The following LRP1B variants were observed in gnomAD, a reference collection of about 807,000 sequenced individuals.
The protein encoded by LRP1B is low-density lipoprotein receptor-related protein 1B.
Under a neutral mutation model 556.6 loss-of-function variants are expected in LRP1B, and 217 were observed. That is an observed-to-expected ratio of 0.39 (90% CI 0.35 to 0.44). The LOEUF is 0.44. LRP1B is among the 20% of genes least tolerant of loss of function. The pLI is 1.00. For synonymous variants in LRP1B, 2,047 were observed against 1,865.8 expected (o/e 1.10, Z -2.50); for missense variants, 5,053 against 5,620.8 (o/e 0.90, Z 3.23).
chr2:140,346,929 C>T (rs967663567), intron 77 of LRP1B, among the ~76,000 whole-genome samples: 9 of 151,814 alleles, frequency 5.9e-5, no homozygotes, highest in African/African-American at 2.2e-4. Flanking sequence ...ATTCTATTTA[C>T]AAAAATGAGA....
intron 6 of LRP1B, among the ~76,000 whole-genome samples, chr2:141,195,869 A>G (rs1214610790): frequency 6.6e-6 from 1 of 152,086 alleles, no homozygotes; most frequent in Non-Finnish European, 1.5e-5. Flanking sequence ...AAAATGGCAG[A>G]GAGTGGCTGT....
chr2:141,835,218 G>T (rs1697238073), intron 1 of LRP1B, among the ~76,000 whole-genome samples: 2 of 151,918 alleles, frequency 1.3e-5, no homozygotes, highest in South Asian at 4.1e-4. Context: ...GATTTTCCAG[G>T]GTTGGTTGAC....
intron 1 of LRP1B, among the ~76,000 whole-genome samples, chr2:141,886,884 T>C (rs1337562613): frequency 1.3e-5 from 2 of 152,134 alleles, no homozygotes; most frequent in Admixed American, 6.6e-5. Context: ...CAGAAGTTGG[T>C]TGATATCGCT....
chr2:141,145,495 C>A (rs183761803), intron 7 of LRP1B, among the ~76,000 whole-genome samples: 2 of 151,714 alleles, frequency 1.3e-5, no homozygotes, highest in East Asian at 3.9e-4. Context: ...GCATACCTGT[C>A]ATAAAATACT....
At chr2:140,238,632 C>T (rs1424136337) in intron 88 of LRP1B, among the ~76,000 whole-genome samples, 3 of 150,778 alleles carry the variant, frequency 2.0e-5, no homozygotes, top group Non-Finnish European at 4.5e-5. Context: ...TTTCAATCCC[C>T]AAGTTACATG....
intron 1 of LRP1B, among the ~76,000 whole-genome samples, chr2:142,122,497 A>G (rs929647443): frequency 6.6e-6 from 1 of 152,104 alleles, no homozygotes; most frequent in Non-Finnish European, 1.5e-5. Flanking sequence ...TGCAAATAAG[A>G]TTAGTGTGCT....
At chr2:140,680,544 C>CA (rs1182149783) in intron 41 of LRP1B, among the ~76,000 whole-genome samples, 1 of 152,148 alleles carries the variant, frequency 6.6e-6, no homozygotes, top group Non-Finnish European at 1.5e-5. Flanking sequence ...GTTTATCTGG[C>CA]AGGCACTGTG....
chr2:141,178,239 T>A lies in LRP1B; in HGVS notation c.1013+10182A>T, dbSNP rs571883961. ...GCACAACAGACTAGAAAGAGCCTCC[T>A]ATTGGAAGCACAGCTTAAGGAGAAC... On this transcript the variant is annotated intron_variant, in intron 7 of 90. Transcript: ENST00000389484. 2.0e-5 allele frequency among the ~76,000 whole-genome samples: 3 copies of A among 152,156 alleles called. No homozygotes were observed. The East Asian group carries it at 5.8e-4, about 30-fold the overall frequency.
intron 35 of LRP1B, among the ~76,000 whole-genome samples, chr2:140,723,272 C>T (rs1452590998): frequency 2.0e-5 from 3 of 151,984 alleles, no homozygotes; most frequent in Admixed American, 6.6e-5. Flanking sequence ...ATAAATATGA[C>T]GAACAACCAC....
At chr2:140,308,024 C>A (rs1267253308) in intron 83 of LRP1B, among the ~76,000 whole-genome samples, 1 of 151,680 alleles carries the variant, frequency 6.6e-6, no homozygotes, top group Non-Finnish European at 1.5e-5. Flanking sequence ...GAAATTACTA[C>A]CTATTTGCTA....
chr2:141,540,369 T>C (rs767502298), intron 2 of LRP1B, among the ~76,000 whole-genome samples: 3 of 152,034 alleles, frequency 2.0e-5, no homozygotes, highest in Non-Finnish European at 2.9e-5. Context: ...CTTTCAAATA[T>C]TGTCATCATT....
chr2:141,718,438 T>C (rs1692697097), intron 2 of LRP1B, among the ~76,000 whole-genome samples: 1 of 152,162 alleles, frequency 6.6e-6, no homozygotes, highest in African/African-American at 2.4e-5. Context: ...TCCAAACTCA[T>C]AAAGTCCCCT....
At chr2:141,076,874 T>C (rs1228468281) in intron 7 of LRP1B, among the ~76,000 whole-genome samples, 2 of 152,194 alleles carry the variant, frequency 1.3e-5, no homozygotes, top group Non-Finnish European at 2.9e-5. Context: ...TGAGTAGCTC[T>C]GCATATTGTT....
intron 1 of LRP1B, among the ~76,000 whole-genome samples, chr2:142,116,833 G>C (rs193238099): frequency 6.6e-6 from 1 of 152,092 alleles, no homozygotes; most frequent in African/African-American, 2.4e-5. Flanking sequence ...TCAGTGTGTG[G>C]TAATAGAGCA....
chr2:141,307,206 G>A (rs1418604951), intron 3 of LRP1B, among the ~76,000 whole-genome samples: 2 of 152,010 alleles, frequency 1.3e-5, no homozygotes, highest in East Asian at 1.9e-4. Flanking sequence ...AGAGTAGGGT[G>A]TTGAAATCCC....
chr2:140,568,195 T>A, intron 43 of LRP1B, among the ~76,000 whole-genome samples: 1 of 42,510 alleles, frequency 2.4e-5, no homozygotes, highest in Non-Finnish European at 5.6e-5. Flanking sequence ...TAATGCACCA[T>A]GGTCCAAAAA....
intron 2 of LRP1B, among the ~76,000 whole-genome samples, chr2:141,726,490 T>A (rs533129309): frequency 1.3e-5 from 2 of 152,054 alleles, no homozygotes; most frequent in Non-Finnish European, 2.9e-5. Context: ...ATACTATTTA[T>A]TATTCTTGAA....
At chr2:141,819,424 C>T (rs983475052) in intron 1 of LRP1B, among the ~76,000 whole-genome samples, 9 of 152,226 alleles carry the variant, frequency 5.9e-5, no homozygotes, top group African/African-American at 2.2e-4. Context: ...TAAGACTTCA[C>T]GTTTGCAATA....
chr2:141,699,267 C>T (rs1691849002), intron 2 of LRP1B, among the ~76,000 whole-genome samples: 1 of 151,678 alleles, frequency 6.6e-6, no homozygotes, highest in African/African-American at 2.4e-5. Context: ...TTTTAAGTTC[C>T]CCAGGTGATT....
Sources: gnomAD v4.1 joint callset for allele counts (sites outside exome capture counted in the v4.1 genomes callset) on GRCh38, gnomAD v4.1.1 for gene constraint, MANE v1.5 for transcripts, NCBI Gene and HGNC (gene_info 2026-07-23, HGNC 2026-07-21) for gene names.